ROBO2: variants seen among roughly 807,000 people sequenced by gnomAD.
The protein encoded by ROBO2 is roundabout guidance receptor 2.
In ROBO2, 53 loss-of-function variants were observed where a neutral mutation model predicts 160.8. The observed-to-expected ratio is 0.33, with a 90% CI of 0.26 to 0.41. The LOEUF is 0.41. Ranked by LOEUF, ROBO2 falls within the 10% of genes least tolerant of loss-of-function variation. ROBO2 has a pLI of 1.00. For missense variants in ROBO2, 1,577 were observed against 1,722.4 expected (o/e 0.92, Z 1.49); for synonymous variants, 664 against 611.7 (o/e 1.09, Z -1.26).
intron 2 of ROBO2, among the ~76,000 whole-genome samples, chr3:76,945,205 C>T (rs2078454900): frequency 2.0e-5 from 3 of 152,026 alleles, no homozygotes; most frequent in East Asian, 1.9e-4. Context: ...ATGGCAGAAG[C>T]GCCAGTTTAG....
intron 2 of ROBO2, among the ~76,000 whole-genome samples, chr3:76,869,452 C>T (rs2071771479): frequency 6.7e-6 from 1 of 150,316 alleles, no homozygotes; most frequent in Non-Finnish European, 1.5e-5. Flanking sequence ...CGGGTTCACG[C>T]CATTCTCCTG....
intron 2 of ROBO2, among the ~76,000 whole-genome samples, chr3:76,733,283 ACAAATT>A (rs1205098078): frequency 6.6e-6 from 1 of 152,208 alleles, no homozygotes; most frequent in African/African-American, 2.4e-5. Flanking sequence ...CGTCAACTGA[ACAAATT>A]CAAATGTGCT....
chr3:76,522,654 G>A (rs1232926118), intron 2 of ROBO2, among the ~76,000 whole-genome samples: 3 of 151,894 alleles, frequency 2.0e-5, no homozygotes, highest in African/African-American at 7.3e-5. Context: ...CTGGAATATC[G>A]AACTAAGATT....
intron 2 of ROBO2, among the ~76,000 whole-genome samples, chr3:76,544,699 T>G (rs189143579): frequency 1.2e-3 from 176 of 152,140 alleles, no homozygotes; most frequent in Middle Eastern, 3.4e-3. Context: ...GGTTGACCAC[T>G]TAACAGTGGA....
At chr3:75,935,576 C>T (rs867800924) in intron 1 of ROBO2, among the ~76,000 whole-genome samples, 6 of 152,066 alleles carry the variant, frequency 3.9e-5, no homozygotes, top group African/African-American at 4.8e-5. Flanking sequence ...TATAAACACA[C>T]GTTATCCATA....
At chr3:76,555,331 A>G (rs184176331) in intron 2 of ROBO2, among the ~76,000 whole-genome samples, 2 of 135,448 alleles carry the variant, frequency 1.5e-5, no homozygotes, top group South Asian at 2.6e-4. Flanking sequence ...AAAAAGAAGA[A>G]GAGGAAGAGG....
At chr3:76,299,727 G>A (rs180981781) in intron 2 of ROBO2, among the ~76,000 whole-genome samples, 5 of 152,222 alleles carry the variant, frequency 3.3e-5, no homozygotes, top group Admixed American at 2.0e-4. Context: ...GCTCAGACCA[G>A]GGTGAGAACA....
At chr3:76,357,162 T>G (rs552852957) in intron 2 of ROBO2, among the ~76,000 whole-genome samples, 1 of 151,730 alleles carries the variant, frequency 6.6e-6, no homozygotes, top group East Asian at 1.9e-4. Context: ...CACAGCTGTT[T>G]AAAAAAAATG....
At chr3:76,508,779 C>T (rs80281933) in intron 2 of ROBO2, among the ~76,000 whole-genome samples, 2,990 of 152,258 alleles carry the variant, frequency 0.02, 44 homozygotes, top group Non-Finnish European at 0.027. Flanking sequence ...CATTATAAGA[C>T]AAAGCATCTC....
Position 76,631,694 on chromosome 3 carries a change from G to A in ROBO2, c.110-466320G>A, listed in dbSNP as rs555841673. ...TTAGAGCATGGTCAGGGTGTCAGAT[G>A]TCTCTTCTTAATGGCAACTGGCTAT... is the stretch of plus-strand genomic sequence containing the variant. On this transcript the variant is annotated intron_variant, in intron 2 of 26. Coordinates refer to the ROBO2 transcript ENST00000487694. Among the ~76,000 whole-genome samples, 10 of 152,266 alleles carry A rather than the reference G, an allele frequency of 6.6e-5. No individual in the cohort carries two copies. In the East Asian group the frequency reaches 1.9e-3, roughly 29 times the overall value.
At chr3:76,920,816 A>G (rs2076607247) in intron 2 of ROBO2, among the ~76,000 whole-genome samples, 1 of 152,218 alleles carries the variant, frequency 6.6e-6, no homozygotes. Context: ...TCAAGACAAT[A>G]CTTCAGCTTT....
chr3:76,827,264 A>G (rs926488974), intron 2 of ROBO2, among the ~76,000 whole-genome samples: 14 of 152,178 alleles, frequency 9.2e-5, no homozygotes, highest in Non-Finnish European at 1.5e-4. Flanking sequence ...GTTCAGGCAG[A>G]TGTTTCAGAT....
intron 2 of ROBO2, among the ~76,000 whole-genome samples, chr3:76,430,203 C>G (rs891283094): frequency 6.6e-6 from 1 of 152,126 alleles, no homozygotes; most frequent in Admixed American, 6.6e-5. Context: ...TAGAATCTAT[C>G]AAGGTTTCCA....
At position 76,141,179 on chromosome 3, in the gene ROBO2, A is replaced by ATATATATATATATATATT. The variant is rs1168896409; in HGVS notation, c.109+203586_109+203587insATATATATTTATATATAT. 1.3e-4 allele frequency among the ~76,000 whole-genome samples: 14 copies of ATATATATATATATATATT among 104,482 alleles called. No individual in the cohort carries two copies. The East Asian group carries it at 2.0e-3, about 15-fold the overall frequency. 68.5% of individuals were successfully genotyped at this position (104,482 alleles called of 152,430 possible). On this transcript the variant is annotated intron_variant, in intron 2 of 26. Transcript: ENST00000487694. ...TCTCTCTATATATATATATATATAT[A>ATATATATATATATATATT]TATATATATTTAATGTCTGATATAT...
At chr3:76,845,202 AT>A (rs1363648612) in intron 2 of ROBO2, among the ~76,000 whole-genome samples, 2 of 151,984 alleles carry the variant, frequency 1.3e-5, no homozygotes, top group African/African-American at 4.8e-5. Context: ...TATTTTAGAA[AT>A]TGTCTCGTCA....
intron 6 of ROBO2, among the ~76,000 whole-genome samples, chr3:77,537,099 T>TCG: frequency 7.8e-6 from 1 of 127,870 alleles, no homozygotes; most frequent in Non-Finnish European, 1.6e-5. Context: ...ACATATTTTG[T>TCG]GGGGGGGGGG....
At chr3:77,617,415 A>G in intron 21 of ROBO2, 98 bp from the exon 23 acceptor site, 2 of 1,347,784 alleles carry the variant, frequency 1.5e-6, no homozygotes, top group South Asian at 1.2e-5. Context: ...AGAACATTTC[A>G]GATACCATGT....
chr3:75,950,100 C>T (rs1296111752), intron 2 of ROBO2, among the ~76,000 whole-genome samples: 1 of 151,976 alleles, frequency 6.6e-6, no homozygotes, highest in Non-Finnish European at 1.5e-5. Flanking sequence ...ATCTCTAAAT[C>T]ATTGTGTCTC....
Position 75,944,148 on chromosome 3 carries a change from G to A in ROBO2, c.109+6546G>A, listed in dbSNP as rs546512113. 5.9e-5 allele frequency among the ~76,000 whole-genome samples: 9 copies of A among 152,198 alleles called. No homozygotes were observed. In the South Asian group the frequency reaches 1.2e-3, roughly 21 times the overall value. On this transcript the variant is annotated intron_variant, in intron 2 of 26. Transcript: ENST00000487694. The stretch of plus-strand genomic sequence containing the variant: ...GGAAAGAGGTTCCTTCTACAAGCAG[G>A]CACACATCCTATCTCACTTTATCCT...
Sources: allele counts gnomAD v4.1 joint callset (sites outside exome capture counted in the v4.1 genomes callset), GRCh38; gene constraint gnomAD v4.1.1; transcripts MANE v1.5; gene names NCBI Gene and HGNC (gene_info 2026-07-23, HGNC 2026-07-21).